The following CDON variants were observed in gnomAD, a reference collection of about 807,000 sequenced individuals.
The protein encoded by CDON is cell adhesion associated, oncogene regulated.
CDON carries 73 observed loss-of-function variants against 120.9 expected under a neutral mutation model. The observed-to-expected ratio is 0.60, with a 90% confidence interval of 0.50 to 0.73. The LOEUF (loss-of-function observed/expected upper bound fraction) is 0.73. CDON is among the 30% of genes least tolerant of loss of function. CDON has a pLI of 0.00. For missense variants in CDON, 1,470 were observed against 1,587.3 expected (o/e 0.93, Z 1.26); for synonymous variants, 566 against 573.5 (o/e 0.99, Z 0.19).
intron 15 of CDON, among the ~76,000 whole-genome samples, chr11:125,987,808 T>C (rs1367294816): frequency 2.0e-5 from 3 of 152,218 alleles, no homozygotes; most frequent in Non-Finnish European, 4.4e-5. Flanking sequence ...GGCACTCAAA[T>C]ATATGCTAAA....
At chr11:126,033,466 A>T (rs1158345669) in intron 1 of CDON, among the ~76,000 whole-genome samples, 2 of 152,202 alleles carry the variant, frequency 1.3e-5, no homozygotes, top group Admixed American at 6.5e-5. Context: ...GAAACTCCTC[A>T]TTCAAAATAA....
chr11:125,993,878 A>ATC (rs1253103163), intron 14 of CDON, among the ~76,000 whole-genome samples: 3 of 152,254 alleles, frequency 2.0e-5, no homozygotes, highest in Non-Finnish European at 4.4e-5. Flanking sequence ...ATTTCTCAGC[A>ATC]TCTCTACAAG....
At chr11:125,997,459 A>T in intron 11 of CDON, 49 bp from the exon 12 acceptor site, 1 of 1,332,714 alleles carries the variant, frequency 7.5e-7, no homozygotes, top group Non-Finnish European at 1.1e-6. Context: ...CAGAGACAAG[A>T]ATAACATAGT....
intron 18 of CDON, among the ~76,000 whole-genome samples, chr11:125,967,084 T>A (rs1279568528): frequency 1.3e-5 from 2 of 150,818 alleles, no homozygotes; most frequent in Admixed American, 1.3e-4. Context: ...ATGCAGGGAA[T>A]TCTGAATAAA....
At chr11:126,040,814 CAAAAAAAAAAAAAAAA>C (rs71048763) in intron 1 of CDON, among the ~76,000 whole-genome samples, 28 of 45,018 alleles carry the variant, frequency 6.2e-4, no homozygotes, top group African/African-American at 1.4e-3. Context: ...GACTCCGTCT[CAAAAAAAAAAAAAAAA>C]AAAAAAAAAA....
intron 1 of CDON, among the ~76,000 whole-genome samples, chr11:126,026,297 T>C (rs943640610): frequency 5.3e-5 from 8 of 152,266 alleles, no homozygotes; most frequent in Admixed American, 5.2e-4. Flanking sequence ...CCAGGCACTA[T>C]GCTAGACTAG....
chr11:126,050,148 A>C (rs1948518579), intron 1 of CDON, among the ~76,000 whole-genome samples: 1 of 151,742 alleles, frequency 6.6e-6, no homozygotes, highest in Non-Finnish European at 1.5e-5. Context: ...AATGCGCTTC[A>C]ATGTTTTCCA....
At chr11:126,028,846 T>C (rs1947873696) in intron 1 of CDON, among the ~76,000 whole-genome samples, 2 of 152,060 alleles carry the variant, frequency 1.3e-5, no homozygotes, top group Admixed American at 6.6e-5. Context: ...TATATATATA[T>C]ATGTTACTTT....
intron 8 of CDON, among the ~76,000 whole-genome samples, chr11:126,010,010 A>C (rs1947244940): frequency 6.6e-6 from 1 of 152,198 alleles, no homozygotes. Flanking sequence ...GTAGTTATCA[A>C]GGGCATAAAA....
chr11:125,983,731 A>G lies in CDON; in HGVS notation c.2995+141T>C, dbSNP rs1315538158. 9.3e-5 allele frequency: 67 copies of G among 722,414 alleles called. No individual in the cohort carries two copies. The South Asian group carries it at 1.1e-3, about 12-fold the overall frequency. 44.8% of individuals were successfully genotyped at this position (722,414 alleles called of 1,614,324 possible). A position where few individuals can be genotyped will look rare whatever the true frequency, so the allele number is the denominator to read the frequency against. ...TGACAGCTAGAACAGTTTTAAAGTC[A>G]TCTCCTCTGAATGAAGAGTATCTAA... On this transcript the variant is annotated intron_variant, in intron 16 of 19. Coordinates refer to ENST00000531738, the MANE Select transcript of CDON (RefSeq NM_001378964.1).
Position 126,017,183 on chromosome 11 carries a change from T to C in CDON, c.833A>G (p.Asp278Gly). ...WRRLYSHLAT[D>G]SVDPADSGNY... ...TCCGGAGTCCGCCGGGTCAACGCTA[T>C]CAGTGGCAAGATGAGAATACAACCT... The change falls in exon 6 of 20, where the codon GAT becomes GGT. Residue 278 changes from aspartate to glycine, a missense_variant. By Grantham distance (94) the Asp-to-Gly change is moderately conservative (BLOSUM62 -1). Coordinates refer to ENST00000531738, the MANE Select transcript of CDON (RefSeq NM_001378964.1). The C allele has an allele frequency of 6.8e-6, 11 of 1,614,190 alleles. No individual in the cohort carries two copies. Among genetic ancestry groups the C allele is most frequent in the Non-Finnish European group, 9.3e-6 (11 of 1,180,024 alleles).
intron 7 of CDON, among the ~76,000 whole-genome samples, chr11:126,011,230 T>C (rs1468861819): frequency 6.6e-6 from 1 of 152,216 alleles, no homozygotes; most frequent in Non-Finnish European, 1.5e-5. Context: ...AATTTTTGTT[T>C]CTAAATTAAA....
intron 12 of CDON, among the ~76,000 whole-genome samples, chr11:125,996,203 C>G (rs1184417488): frequency 7.4e-6 from 1 of 135,926 alleles, no homozygotes; most frequent in Non-Finnish European, 1.6e-5. Context: ...CACACACACA[C>G]ACAAAGATGT....
chr11:126,044,919 A>T (rs2134862900), intron 1 of CDON, among the ~76,000 whole-genome samples: 1 of 152,348 alleles, frequency 6.6e-6, no homozygotes, highest in South Asian at 2.1e-4. Flanking sequence ...TAACACAAAG[A>T]AAACCTAATT....
intron 18 of CDON, among the ~76,000 whole-genome samples, chr11:125,975,071 G>C (rs112605174): frequency 0.068 from 10,301 of 151,908 alleles, 494 homozygotes; most frequent in Non-Finnish European, 0.1. Flanking sequence ...GCATATCTCT[G>C]AACAGATCAT....
rs1191950181 is a variant in CDON at position 125,958,999 on chromosome 11, C to T, written c.*1943G>A. On this transcript the variant is annotated 3_prime_UTR_variant, in exon 20 of 20. Coordinates refer to ENST00000531738, the MANE Select transcript of CDON (RefSeq NM_001378964.1). ...GGGATGCAGCTATCCCCCTCCAGAGCTAACTGCATTTAAGCAACATGAAGA... is the reference window on the plus strand; with the variant it reads ...GGGATGCAGCTATCCCCCTCCAGAGTTAACTGCATTTAAGCAACATGAAGA... 2.0e-5 allele frequency: 3 copies of T among 152,190 alleles called. No individual in the cohort carries two copies. The highest frequency in any genetic ancestry group is 4.4e-5 in the Non-Finnish European group (3 of 68,036). 9.4% of individuals were successfully genotyped at this position (152,190 alleles called of 1,614,324 possible). A position where few individuals can be genotyped will look rare whatever the true frequency, so the allele number is the denominator to read the frequency against.
At chr11:126,050,899 C>A (rs575083320) in intron 1 of CDON, among the ~76,000 whole-genome samples, 1 of 152,216 alleles carries the variant, frequency 6.6e-6, no homozygotes, top group South Asian at 2.1e-4. Context: ...TGTTAAATTG[C>A]CCAAGTACAC....
Position 126,019,673 on chromosome 11 carries a change from G to C in CDON, c.442C>G (p.Pro148Ala). Residue 148 changes from proline (P) to alanine (A), a missense_variant, in exon 4 of 20, where the codon CCC becomes GCC. Coordinates refer to ENST00000531738, the MANE Select transcript of CDON (RefSeq NM_001378964.1). ...ATTTTATAGCGCACCTCAGCTTTGGGGTTACTCTCCGGTACCCTGCAGCCA... is the reference window on the plus strand; with the variant it reads ...ATTTTATAGCGCACCTCAGCTTTGGCGTTACTCTCCGGTACCCTGCAGCCA... ...FIGCRVPESN[P>A]KAEVRYKIRG... 1 of 1,614,000 alleles carries C rather than the reference G, an allele frequency of 6.2e-7. No homozygotes were observed. Among genetic ancestry groups the C allele is most frequent in the Non-Finnish European group, 8.5e-7 (1 of 1,179,968 alleles).
chr11:126,054,959 G>A (rs138590574), intron 1 of CDON, among the ~76,000 whole-genome samples: 192 of 152,260 alleles, frequency 1.3e-3, no homozygotes, highest in Non-Finnish European at 2.1e-3. Context: ...CAAAGCAGCC[G>A]GGATGGCAGA....
Sources: allele counts gnomAD v4.1 joint callset (sites outside exome capture counted in the v4.1 genomes callset), GRCh38; gene constraint gnomAD v4.1.1; transcripts MANE v1.5; gene names NCBI Gene and HGNC (gene_info 2026-07-23, HGNC 2026-07-21).